TP53I13: variants seen among roughly 807,000 people sequenced by gnomAD.
The protein encoded by TP53I13 is tumor protein p53-inducible protein 13.
A neutral mutation model predicts 39.1 loss-of-function variants in TP53I13; 27 were observed. The ratio of observed to expected loss-of-function variants is 0.69; its 90% CI spans 0.51 to 0.95. The LOEUF (loss-of-function observed/expected upper bound fraction) is 0.95, where lower values mean the gene tolerates loss of function less well. Among genes scored for constraint, TP53I13 ranks in the 40% least tolerant of loss-of-function variants. The pLI is 0.00. For missense variants in TP53I13, 544 were observed against 520.4 expected (o/e 1.05, Z -0.44); for synonymous variants, 230 against 224.6 (o/e 1.02, Z -0.22).
At chr17:29,574,674 G>C (rs940640712), downstream of TP53I13, 2 of 1,554,160 alleles carry the variant, frequency 1.3e-6, no homozygotes, top group African/African-American at 2.7e-5. Flanking sequence ...GAGGTCCTAG[G>C]GTGCAGGTGA....
At chr17:29,568,640 C>T (rs2032790736), upstream of TP53I13, 1 of 619,094 alleles carries the variant, frequency 1.6e-6, no homozygotes, top group African/African-American at 2.1e-5. This position sits in a 1 kb window ranked among gnomAD's most constrained non-coding sequence, Gnocchi z 4.5. Context: ...GAGCCCAGGG[C>T]CAACGGACGC....
chr17:29,581,340 G>A, the TP53I13 span: 4 of 1,611,496 alleles, frequency 2.5e-6, no homozygotes, highest in African/African-American at 2.7e-5. This position sits in a 1 kb window ranked among gnomAD's most constrained non-coding sequence, Gnocchi z 4.8. Context: ...GCACTCACCT[G>A]TCAGCCATCT....
rs1363387444 is a variant in TP53I13 at position 29,568,706 on chromosome 17, C to T, written c.-53C>T. The T allele has an allele frequency of 1.0e-4, 129 of 1,232,748 alleles. No homozygotes were observed. The highest frequency in any genetic ancestry group is 1.3e-4 in the Non-Finnish European group (123 of 980,744). The allele number at this position is 1,232,748 out of a possible 1,614,324, so 76.4% of individuals were successfully genotyped here. On this transcript the variant is annotated 5_prime_UTR_variant, in exon 1 of 7. Coordinates refer to ENST00000301057, the MANE Select transcript of TP53I13 (RefSeq NM_138349.4). The surrounding 1 kb of genome is among the most constrained non-coding windows in gnomAD (Gnocchi z 4.5). ...GGGCTGGAGGGGCGGGGCGCGCGCGCTCCCTCGCTGGCGGAGCGGCTGGGC... is the reference window on the plus strand; with the variant it reads ...GGGCTGGAGGGGCGGGGCGCGCGCGTTCCCTCGCTGGCGGAGCGGCTGGGC...
chr17:29,569,508 C>A, intron 3 of TP53I13, 149 bp downstream of exon 3: 1 of 715,592 alleles, frequency 1.4e-6, no homozygotes, highest in African/African-American at 1.8e-5. Flanking sequence ...GCCCCACCTC[C>A]AAGCCCAGGA....
the TP53I13 span, chr17:29,582,152 G>T: frequency 2.6e-6 from 4 of 1,549,842 alleles, no homozygotes; most frequent in Non-Finnish European, 3.5e-6. Context: ...TTGCTAAGAG[G>T]AGCAGAGTGT....
In TP53I13 at chr17:29,572,521, G is replaced by T. The variant is rs746563324; in HGVS notation, c.893G>T (p.Arg298Leu). The change falls in exon 6 of 7, where the codon CGG becomes CTG. Residue 298 changes from arginine to leucine, a missense_variant. By Grantham distance (102) the Arg-to-Leu change is moderately radical. Coordinates refer to ENST00000301057, the MANE Select transcript of TP53I13 (RefSeq NM_138349.4). Reference protein sequence around the residue: ...SPAPRAAAPPRAARGPTPRTE... With the variant: ...SPAPRAAAPPLAARGPTPRTE... ...GCCCCTCGCGCAGCAGCGCCTCCAC[G>T]GGCAGCCCGGGGCCCCACCCCACGC... The T allele has an allele frequency of 2.5e-6, 4 of 1,605,634 alleles. No individual in the cohort carries two copies. Among genetic ancestry groups the T allele is most frequent in the South Asian group, 1.1e-5 (1 of 90,294 alleles).
the TP53I13 span, chr17:29,582,165 A>C: frequency 5.3e-6 from 8 of 1,521,166 alleles, no homozygotes; most frequent in Non-Finnish European, 7.1e-6. Flanking sequence ...CAGAGTGTGC[A>C]GTGAATACGC....
At chr17:29,581,628 A>G in the TP53I13 span, 5 of 808,218 alleles carry the variant, frequency 6.2e-6, no homozygotes, top group South Asian at 7.5e-5. This position sits in a 1 kb window ranked among gnomAD's most constrained non-coding sequence, Gnocchi z 4.8. Flanking sequence ...GCCTAGCAAC[A>G]TTGCTCCCCA....
upstream of TP53I13, chr17:29,566,553 G>A: frequency 6.2e-7 from 1 of 1,609,780 alleles, no homozygotes. Flanking sequence ...CTACCACCCA[G>A]TCCAGGGCCA....
chr17:29,569,401 T>C (rs1389225579), intron 3 of TP53I13, 42 bp downstream of exon 3: 2 of 1,602,834 alleles, frequency 1.2e-6, no homozygotes. Flanking sequence ...TGTCCACGCC[T>C]GGAGACAGGC....
chr17:29,572,958 C>G lies in TP53I13; in HGVS notation c.*34C>G. On this transcript the variant is annotated 3_prime_UTR_variant, in exon 7 of 7. Coordinates refer to ENST00000301057, the MANE Select transcript of TP53I13 (RefSeq NM_138349.4). ...GACCTGCCACTGTGGCGTGCGGCTC[C>G]TCCCCGCGCCGCGAGGCCGCGACCT... 4 of 1,365,544 alleles carry G rather than the reference C, an allele frequency of 2.9e-6. No individual in the cohort carries two copies. In the South Asian group the frequency reaches 6.7e-5, roughly 23 times the overall value. The allele number at this position is 1,365,544 out of a possible 1,614,324, so 84.6% of individuals were successfully genotyped here.
At position 29,572,394 on chromosome 17, in the gene TP53I13, C is replaced by T. The variant is rs545614632; in HGVS notation, c.766C>T (p.Pro256Ser). ...ATCTGTGCCCACTGTCTCCCTGCTGCCGGGGGCGCCTGGAGGCAATGCCAG... is the reference window on the plus strand; with the variant it reads ...ATCTGTGCCCACTGTCTCCCTGCTGTCGGGGGCGCCTGGAGGCAATGCCAG... ...APSVPTVSLL[P>S]GAPGGNASSR... The change falls in exon 6 of 7, where the codon CCG (proline) becomes TCG (serine). Residue 256 changes from proline (P) to serine (S), a missense_variant. Coordinates refer to ENST00000301057, the MANE Select transcript of TP53I13 (RefSeq NM_138349.4). 7.5e-6 allele frequency: 12 copies of T among 1,595,770 alleles called. No individual in the cohort carries two copies. The Admixed American group carries it at 1.7e-4, about 22-fold the overall frequency.
chr17:29,566,825 C>A, upstream of TP53I13: 3 of 1,517,014 alleles, frequency 2.0e-6, no homozygotes, highest in Non-Finnish European at 2.6e-6. Context: ...TCCGCCTCCT[C>A]CCCGTCGTCT....
At chr17:29,575,057 G>T, downstream of TP53I13, 1 of 1,564,116 alleles carries the variant, frequency 6.4e-7, no homozygotes, top group Non-Finnish European at 8.7e-7. The surrounding 1 kb of genome is among the most constrained non-coding windows in gnomAD (Gnocchi z 5.5). Context: ...CCCACTCCTG[G>T]TCCTCTCTTT....
rs1362932720 is a variant in TP53I13, at chr17:29,572,928, C to T, written c.*4C>T. On this transcript the variant is annotated 3_prime_UTR_variant, in exon 7 of 7. Coordinates refer to ENST00000301057, the MANE Select transcript of TP53I13 (RefSeq NM_138349.4). ...GGAAGGCGAGAGCTCGGAGTGACGG[C>T]CTGGGACCTGCCACTGTGGCGTGCG... 2.0e-6 allele frequency: 3 copies of T among 1,469,656 alleles called. No individual in the cohort carries two copies. Among genetic ancestry groups the T allele is most frequent in the East Asian group, 2.7e-5 (1 of 36,674 alleles). 91.0% of individuals were successfully genotyped at this position (1,469,656 alleles called of 1,614,324 possible).
chr17:29,566,682 G>T, upstream of TP53I13: 1 of 1,592,990 alleles, frequency 6.3e-7, no homozygotes. Context: ...AGCGCGGGCC[G>T]GCCTCCAGCG....
At chr17:29,575,051 C>T (rs371798906), downstream of TP53I13, 8 of 1,555,468 alleles carry the variant, frequency 5.1e-6, no homozygotes, top group African/African-American at 4.1e-5. This position sits in a 1 kb window ranked among gnomAD's most constrained non-coding sequence, Gnocchi z 5.5. Flanking sequence ...GGCCCTCCCA[C>T]TCCTGGTCCT....
At chr17:29,580,138 T>C in the TP53I13 span, among the ~76,000 whole-genome samples, 1 of 152,216 alleles carries the variant, frequency 6.6e-6, no homozygotes. Context: ...CCAGCTAGAT[T>C]GTGAGCTCCT....
At chr17:29,575,919 G>A (rs190849668), downstream of TP53I13, 3 of 1,591,518 alleles carry the variant, frequency 1.9e-6, no homozygotes, top group East Asian at 6.8e-5. This position sits in a 1 kb window ranked among gnomAD's most constrained non-coding sequence, Gnocchi z 5.5. Flanking sequence ...GGGCAGCGCT[G>A]GATGGAGTCA....
Sources: allele counts gnomAD v4.1 joint callset (sites outside exome capture counted in the v4.1 genomes callset), GRCh38; gene constraint gnomAD v4.1.1; non-coding constraint Gnocchi (gnomAD v3.1); transcripts MANE v1.5; gene names NCBI Gene and HGNC (gene_info 2026-07-23, HGNC 2026-07-21).